CCND2: variants seen among roughly 807,000 people sequenced by gnomAD.
The protein encoded by CCND2 is G1/S-specific cyclin-D2.
A neutral mutation model predicts 30.2 loss-of-function variants in CCND2; 6 were observed. The ratio of observed to expected loss-of-function variants is 0.20; its 90% CI spans 0.11 to 0.39. The LOEUF is 0.39. Ranked by LOEUF, CCND2 falls within the 10% of genes least tolerant of loss-of-function variation. The pLI, the probability that CCND2 is intolerant of heterozygous loss-of-function variation, is 1.00. For missense variants in CCND2, 235 were observed against 373.4 expected (o/e 0.63, Z 3.06); for synonymous variants, 150 against 153.1 (o/e 0.98, Z 0.15).
chr12:4,278,946 G>A (rs760855752), intron 3 of CCND2, 27 bp downstream of exon 3: 14 of 1,591,382 alleles, frequency 8.8e-6, no homozygotes, highest in East Asian at 6.8e-5. Flanking sequence ...GCCGGGGAGG[G>A]AGATGGGGGA....
rs1369534842 is a variant in CCND2, at chr12:4,278,756, C to G, written c.412-4C>G. On this transcript the variant is annotated splice_polypyrimidine_tract_variant and splice_region_variant and intron_variant, in intron 2 of 4. Transcript: ENST00000261254. ...TCCTCTTCTCTTCCTGCCTTCCCCT[C>G]CAGGAGTGGGAACTGGTGGTGCTGG... 1 of 1,613,926 alleles carries G rather than the reference C, an allele frequency of 6.2e-7. No homozygotes were observed. Among genetic ancestry groups the G allele is most frequent in the Non-Finnish European group, 8.5e-7 (1 of 1,179,796 alleles).
intron 4 of CCND2, chr12:4,298,048 A>G (rs1864198747): frequency 4.3e-6 from 1 of 230,550 alleles, no homozygotes; most frequent in Admixed American, 4.7e-5. Context: ...TTCCAGGACC[A>G]GTTTATTGTT....
rs1306713603 is a variant in CCND2, at chr12:4,285,694, T to C, written c.572-3148T>C. Among the ~76,000 whole-genome samples the C allele has an allele frequency of 1.3e-5, 2 of 152,244 alleles. No homozygotes were observed. The highest frequency in any genetic ancestry group is 1.3e-4 in the Admixed American group (2 of 15,288). On this transcript the variant is annotated intron_variant, in intron 3 of 4. Coordinates refer to ENST00000261254, the MANE Select transcript of CCND2 (RefSeq NM_001759.4). The surrounding 1 kb of genome is among the most constrained non-coding windows in gnomAD (Gnocchi z 4.1). The stretch of plus-strand genomic sequence containing the variant: ...CGACAAAGCTGATGGTTTCCAGGAA[T>C]GGCTGCATTGGGTAGGTGGAGCTTT...
chr12:4,283,822 G>A (rs559579291), intron 3 of CCND2, among the ~76,000 whole-genome samples: 2 of 152,350 alleles, frequency 1.3e-5, no homozygotes, highest in African/African-American at 4.8e-5. Flanking sequence ...TGCTGGGTTA[G>A]AGTTGCCAAC....
At chr12:4,292,166 T>C (rs1437465383) in intron 4 of CCND2, among the ~76,000 whole-genome samples, 12 of 152,062 alleles carry the variant, frequency 7.9e-5, no homozygotes, top group Admixed American at 7.2e-4. Context: ...TACACACACA[T>C]ACATAAATGG....
chr12:4,280,608 G>A (rs897384959), intron 3 of CCND2, among the ~76,000 whole-genome samples: 1 of 152,216 alleles, frequency 6.6e-6, no homozygotes, highest in African/African-American at 2.4e-5. Context: ...GCCCGGGCCC[G>A]AGAGGTCAGT....
chr12:4,284,438 G>T (rs891740320), intron 3 of CCND2, among the ~76,000 whole-genome samples: 3 of 152,226 alleles, frequency 2.0e-5, no homozygotes, highest in African/African-American at 7.2e-5. Flanking sequence ...GGTCTGCTTT[G>T]GTTGGAGGGG....
chr12:4,293,783 A>G lies in CCND2; in HGVS notation c.720+4793A>G, dbSNP rs574791160. 2.2e-3 allele frequency among the ~76,000 whole-genome samples: 342 copies of G among 152,140 alleles called. 3 individuals carry two copies. The highest frequency in any genetic ancestry group is 7.6e-3 in the African/African-American group (317 of 41,506). ...CTGGAAGTGCCGCCACCCTCGCCCC[A>G]CATGTCATTTTCAAGCCTCCACTGT... On this transcript the variant is annotated intron_variant, in intron 4 of 4. Transcript: ENST00000261254. The surrounding 1 kb of genome is among the most constrained non-coding windows in gnomAD (Gnocchi z 4.9).
intron 4 of CCND2, among the ~76,000 whole-genome samples, chr12:4,294,933 A>T (rs1454843190): frequency 6.6e-6 from 1 of 152,112 alleles, no homozygotes; most frequent in Non-Finnish European, 1.5e-5. Context: ...GGCTGCCCTC[A>T]TCTCTACCCC....
intron 4 of CCND2, among the ~76,000 whole-genome samples, chr12:4,294,642 T>C (rs1016048018): frequency 1.6e-4 from 24 of 152,208 alleles, no homozygotes; most frequent in Non-Finnish European, 1.5e-5. Flanking sequence ...AATTGGAGGC[T>C]TGCCCTTTCT....
intron 4 of CCND2, among the ~76,000 whole-genome samples, chr12:4,292,203 C>A (rs1208535381): frequency 6.6e-6 from 1 of 152,036 alleles, no homozygotes; most frequent in South Asian, 2.1e-4. Flanking sequence ...GTATGTATGT[C>A]TGAAACATTC....
intron 1 of CCND2, chr12:4,275,504 C>G (rs1221226387): frequency 3.0e-5 from 4 of 134,640 alleles, no homozygotes; most frequent in African/African-American, 8.1e-5. Flanking sequence ...CCCGCCCCCC[C>G]AAAAGCGGCC....
chr12:4,276,193 C>T lies in CCND2; in HGVS notation c.384C>T (p.Asp128=). The change falls in exon 2 of 5, where the codon GAC becomes GAT. Residue 128 remains aspartate, a synonymous_variant. Coordinates refer to ENST00000261254, the MANE Select transcript of CCND2 (RefSeq NM_001759.4). This position sits in a 1 kb window ranked among gnomAD's most constrained non-coding sequence, Gnocchi z 4.8. The part of the protein sequence containing the change: ...LTAEKLCIYT[D]NSIKPQELLE... The stretch of plus-strand genomic sequence containing the variant: ...CGGAGAAGCTGTGCATTTACACCGA[C>T]AACTCCATCAAGCCTCAGGAGCTGC... 2.5e-6 allele frequency: 4 copies of T among 1,614,202 alleles called. No individual in the cohort carries two copies. Among genetic ancestry groups the T allele is most frequent in the Non-Finnish European group, 3.4e-6 (4 of 1,180,018 alleles).
At chr12:4,279,005 C>T in intron 3 of CCND2, 86 bp downstream of exon 3, 1 of 1,370,328 alleles carries the variant, frequency 7.3e-7, no homozygotes. Flanking sequence ...TAGGAACTTT[C>T]ATTTTAGTTC....
intron 4 of CCND2, among the ~76,000 whole-genome samples, chr12:4,294,266 G>A (rs534955039): frequency 1.3e-3 from 204 of 152,068 alleles, no homozygotes; most frequent in Non-Finnish European, 2.3e-3. Flanking sequence ...TCCAGGCTTG[G>A]GGGCGGGGGC....
At chr12:4,297,949 A>G (rs908034813) in intron 4 of CCND2, 20 of 310,784 alleles carry the variant, frequency 6.4e-5, no homozygotes, top group Middle Eastern at 4.1e-4. Flanking sequence ...AGTCTTGACT[A>G]AAGATTGTCA....
At position 4,274,190 on chromosome 12, in the gene CCND2, C is replaced by T. The variant is rs1565430752; in HGVS notation, c.150C>T (p.Asp50=). ...CCTACTTCAAGTGCGTGCAGAAGGA[C>T]ATCCAACCCTACATGCGCAGAATGG... The part of the protein sequence containing the change: ...QCSYFKCVQK[D]IQPYMRRMVA... Residue 50 remains aspartate (D), a synonymous_variant, in exon 1 of 5, where the codon GAC becomes GAT. Transcript: ENST00000261254. This position sits in a 1 kb window ranked among gnomAD's most constrained non-coding sequence, Gnocchi z 7.7. The T allele has an allele frequency of 1.2e-6, 2 of 1,614,008 alleles. No homozygotes were observed. Among genetic ancestry groups the T allele is most frequent in the South Asian group, 2.2e-5 (2 of 91,092 alleles).
chr12:4,294,697 C>T (rs910354270), intron 4 of CCND2, among the ~76,000 whole-genome samples: 13 of 152,210 alleles, frequency 8.5e-5, no homozygotes, highest in Non-Finnish European at 1.5e-4. Context: ...GGACAAGCCA[C>T]GTCAACTCTC....
chr12:4,293,782 C>T lies in CCND2; in HGVS notation c.720+4792C>T, dbSNP rs1864131228. On this transcript the variant is annotated intron_variant, in intron 4 of 4. Coordinates refer to ENST00000261254, the MANE Select transcript of CCND2 (RefSeq NM_001759.4). This position sits in a 1 kb window ranked among gnomAD's most constrained non-coding sequence, Gnocchi z 4.9. ...GCTGGAAGTGCCGCCACCCTCGCCC[C>T]ACATGTCATTTTCAAGCCTCCACTG... Among the ~76,000 whole-genome samples the T allele has an allele frequency of 1.3e-5, 2 of 152,132 alleles. No individual in the cohort carries two copies. The highest frequency in any genetic ancestry group is 1.3e-4 in the Admixed American group (2 of 15,280).
Sources: gnomAD v4.1 joint callset for allele counts (sites outside exome capture counted in the v4.1 genomes callset) on GRCh38, gnomAD v4.1.1 for gene constraint, Gnocchi (gnomAD v3.1) non-coding constraint, MANE v1.5 for transcripts, NCBI Gene and HGNC (gene_info 2026-07-23, HGNC 2026-07-21) for gene names.